Variants in DOCK2 observed in about 807,000 individuals in gnomAD.
The protein encoded by DOCK2 is dedicator of cytokinesis protein 2.
A neutral mutation model predicts 248.9 loss-of-function variants in DOCK2; 87 were observed. The observed-to-expected ratio is 0.35, with a 90% CI of 0.29 to 0.42. The LOEUF (loss-of-function observed/expected upper bound fraction) is 0.42. Ranked by LOEUF, DOCK2 falls within the 10% of genes least tolerant of loss-of-function variation. The pLI is 1.00. For missense variants in DOCK2, 1,747 were observed against 2,300.2 expected, an observed-to-expected ratio of 0.76 and a Z score of 4.92; for synonymous variants, 805 against 821.6, an observed-to-expected ratio of 0.98 and a Z score of 0.35.
At chr5:169,647,643 C>T (rs1484163748) in intron 1 of DOCK2, among the ~76,000 whole-genome samples, 1 of 152,114 alleles carries the variant, frequency 6.6e-6, no homozygotes, top group South Asian at 2.1e-4. Flanking sequence ...TGCCATTCAT[C>T]CCTCACACAT....
intron 25 of DOCK2, among the ~76,000 whole-genome samples, chr5:169,766,956 A>G (rs973934504): frequency 6.6e-6 from 1 of 152,072 alleles, no homozygotes; most frequent in Non-Finnish European, 1.5e-5. Context: ...GGGTTTCACC[A>G]TGCTGGCCAG....
chr5:169,964,910 C>A (rs924732756), intron 27 of DOCK2, among the ~76,000 whole-genome samples: 4 of 152,248 alleles, frequency 2.6e-5, no homozygotes, highest in African/African-American at 7.2e-5. Context: ...AAAGGTGAGT[C>A]TCCGTCGCTC....
chr5:170,010,577 C>T (rs541014041), intron 32 of DOCK2, among the ~76,000 whole-genome samples: 6 of 152,330 alleles, frequency 3.9e-5, no homozygotes, highest in East Asian at 1.9e-4. Flanking sequence ...GCAATCCCAA[C>T]GTTGTCATAC....
At chr5:169,986,488 G>A (rs1049498553) in intron 29 of DOCK2, among the ~76,000 whole-genome samples, 2 of 152,194 alleles carry the variant, frequency 1.3e-5, no homozygotes, top group Admixed American at 6.5e-5. Context: ...TGTAACCCAA[G>A]TATAGCTTAG....
rs912034038 is a variant in DOCK2 at position 169,764,841 on chromosome 5, G to A, written c.2554+3216G>A. On this transcript the variant is annotated intron_variant, in intron 25 of 51. Transcript: ENST00000520908. The surrounding 1 kb of genome is among the most constrained non-coding windows in gnomAD (Gnocchi z 4.3). The stretch of plus-strand genomic sequence containing the variant: ...CATGCTCTCCATTCTGACTTTGAAC[G>A]TGTTTGTTGTTGTTGTTGTTGTTGT... Among the ~76,000 whole-genome samples the A allele has an allele frequency of 1.3e-4, 18 of 139,944 alleles. No individual in the cohort carries two copies. Among genetic ancestry groups the A allele is most frequent in the African/African-American group, 2.4e-4 (8 of 33,850 alleles). 91.8% of individuals were successfully genotyped at this position (139,944 alleles called of 152,430 possible). A position where few individuals can be genotyped will look rare whatever the true frequency, so the allele number is the denominator to read the frequency against.
intron 27 of DOCK2, among the ~76,000 whole-genome samples, chr5:169,928,566 C>T (rs1775589186): frequency 6.6e-6 from 1 of 152,146 alleles, no homozygotes; most frequent in South Asian, 2.1e-4. Context: ...CATGAAGCAT[C>T]GTCCATCCAA....
At chr5:169,692,090 G>A (rs1281463503) in intron 9 of DOCK2, among the ~76,000 whole-genome samples, 2 of 152,018 alleles carry the variant, frequency 1.3e-5, no homozygotes, top group African/African-American at 2.4e-5. Context: ...TCCTGACCTC[G>A]TGATCCACCC....
intron 48 of DOCK2, 49 bp from the exon 49 acceptor site, chr5:170,078,926 T>C: frequency 6.2e-7 from 1 of 1,603,368 alleles, no homozygotes. Context: ...AAGGCAGTTC[T>C]ACTGAAGCTC....
At position 169,670,604 on chromosome 5, in the gene DOCK2, G is replaced by A. The variant is rs758916913; in HGVS notation, c.224+7G>A. The stretch of plus-strand genomic sequence containing the variant: ...TGACAGTTGAGAAAAGAAGGTATTT[G>A]CCATTCTTCACCAGACTTGAGCCTC... On this transcript the variant is annotated splice_region_variant and intron_variant, in intron 4 of 51. Transcript: ENST00000520908. 1 of 1,613,818 alleles carries A rather than the reference G, an allele frequency of 6.2e-7. No individual in the cohort carries two copies. The highest frequency in any genetic ancestry group is 1.1e-5 in the South Asian group (1 of 91,020).
intron 26 of DOCK2, among the ~76,000 whole-genome samples, chr5:169,830,247 G>A (rs1321182450): frequency 2.0e-5 from 3 of 152,198 alleles, no homozygotes; most frequent in African/African-American, 7.2e-5. Flanking sequence ...GTTATTCTGT[G>A]AATTAAATGA....
At chr5:169,926,210 C>A (rs1775445722) in intron 27 of DOCK2, among the ~76,000 whole-genome samples, 1 of 152,164 alleles carries the variant, frequency 6.6e-6, no homozygotes, top group African/African-American at 2.4e-5. Flanking sequence ...AGGCCCAGTG[C>A]CTGACTTGGG....
intron 2 of DOCK2, among the ~76,000 whole-genome samples, chr5:169,664,476 TG>T (rs1758610295): frequency 1.3e-5 from 2 of 152,228 alleles, no homozygotes; most frequent in South Asian, 4.1e-4. Flanking sequence ...ACCAAGTTTC[TG>T]TATTATTCTG....
intron 39 of DOCK2, among the ~76,000 whole-genome samples, chr5:170,046,716 C>T (rs1251285968): frequency 2.0e-5 from 3 of 152,048 alleles, no homozygotes; most frequent in Non-Finnish European, 4.4e-5. Context: ...ACCTGCCCCG[C>T]GTGTACCTCC....
chr5:170,020,284 CCTT>C (rs1244359094), intron 33 of DOCK2, among the ~76,000 whole-genome samples: 1 of 152,164 alleles, frequency 6.6e-6, no homozygotes, highest in Admixed American at 6.5e-5. Context: ...CCTCTCAACA[CCTT>C]CTAAACTCTT....
chr5:169,714,140 G>A lies in DOCK2; in HGVS notation c.1772G>A (p.Gly591Glu). ...TLSRSSSSVG[G>E]LSVSSRDVFS... The stretch of plus-strand genomic sequence containing the variant: ...AGCAGGAGCTCCAGCAGTGTTGGGG[G>A]GCTTTCTGTCAGCTCCCGGGATGTG... The change falls in exon 18 of 52, where the codon GGG becomes GAG. Residue 591 changes from glycine to glutamate, a missense_variant. Around this residue, in one of 4 missense-constraint regions of DOCK2, gnomAD observed 858 missense variants for 1,183.5 expected, o/e 0.72. Coordinates refer to ENST00000520908, the MANE Select transcript of DOCK2 (RefSeq NM_004946.3). 4 of 1,613,770 alleles carry A rather than the reference G, an allele frequency of 2.5e-6. No individual in the cohort carries two copies. The highest frequency in any genetic ancestry group is 3.4e-6 in the Non-Finnish European group (4 of 1,179,828).
chr5:169,975,478 C>T (rs1035488351), intron 27 of DOCK2, among the ~76,000 whole-genome samples: 4 of 152,148 alleles, frequency 2.6e-5, no homozygotes, highest in Admixed American at 6.5e-5. Context: ...TCATCATATA[C>T]GGAGCCTTCC....
chr5:169,650,596 G>T (rs1297296283), intron 1 of DOCK2, among the ~76,000 whole-genome samples: 3 of 152,170 alleles, frequency 2.0e-5, no homozygotes, highest in Non-Finnish European at 2.9e-5. Context: ...GCTAATCAGT[G>T]GATTCGATTT....
intron 27 of DOCK2, among the ~76,000 whole-genome samples, chr5:169,848,379 G>T (rs1770441578): frequency 6.6e-6 from 1 of 152,230 alleles, no homozygotes; most frequent in South Asian, 2.1e-4. Flanking sequence ...AGTCATCTGT[G>T]CTCCCTTCCA....
chr5:169,996,025 A>T, intron 29 of DOCK2, 61 bp from the exon 30 acceptor site: 1 of 1,567,742 alleles, frequency 6.4e-7, no homozygotes, highest in Non-Finnish European at 8.7e-7. Context: ...GTCTGGCATA[A>T]GGACGAAGGA....
Sources: gnomAD v4.1 joint callset for allele counts (sites outside exome capture counted in the v4.1 genomes callset) on GRCh38, gnomAD v4.1.1 for gene constraint, gnomAD v4.1.1 regional missense constraint, Gnocchi (gnomAD v3.1) non-coding constraint, MANE v1.5 for transcripts, NCBI Gene and HGNC (gene_info 2026-07-23, HGNC 2026-07-21) for gene names.